Variants in TTLL11 observed in about 807,000 individuals in gnomAD.
TTLL11 encodes tubulin polyglutamylase TTLL11.
TTLL11 carries 42 observed loss-of-function variants against 51.7 expected under a neutral mutation model. The observed-to-expected ratio is 0.81, with a 90% CI of 0.64 to 1.05. The LOEUF is 1.05. Among genes scored for constraint, TTLL11 ranks in the 50% least tolerant of loss-of-function variants. The probability of loss-of-function intolerance (pLI) is 0.00; values close to 1 mark genes in which losing one functional copy is unlikely to be tolerated. For synonymous variants in TTLL11, 381 were observed against 383.5 expected (o/e 0.99, Z 0.08); for missense variants, 799 against 940.4 (o/e 0.85, Z 1.97).
intron 6 of TTLL11, among the ~76,000 whole-genome samples, chr9:121,899,966 G>T (rs569141041): frequency 6.6e-6 from 1 of 152,302 alleles, no homozygotes; most frequent in African/African-American, 2.4e-5. Context: ...CTATGCAGTA[G>T]ACACTATTTC....
At chr9:121,949,958 G>A (rs1187080502) in intron 6 of TTLL11, among the ~76,000 whole-genome samples, 1 of 151,848 alleles carries the variant, frequency 6.6e-6, no homozygotes, top group East Asian at 1.9e-4. Context: ...TCCCTCCCCA[G>A]CTTGCTCTGT....
At chr9:121,985,647 G>C (rs1244757626) in intron 4 of TTLL11, among the ~76,000 whole-genome samples, 2 of 150,910 alleles carry the variant, frequency 1.3e-5, no homozygotes, top group Non-Finnish European at 2.9e-5. Flanking sequence ...CTCCCAAGTA[G>C]CTGGGACTAC....
intron 8 of TTLL11, among the ~76,000 whole-genome samples, chr9:121,841,659 TG>T (rs1837351819): frequency 6.6e-6 from 1 of 151,928 alleles, no homozygotes; most frequent in African/African-American, 2.4e-5. Flanking sequence ...GGTGTGGCTG[TG>T]GTGGGGCACG....
intron 1 of TTLL11, among the ~76,000 whole-genome samples, chr9:122,059,259 A>G (rs2001684): frequency 0.43 from 65,008 of 152,056 alleles, 15,801 homozygotes; most frequent in African/African-American, 0.66. Flanking sequence ...CTAGCTACTG[A>G]GCTAAGTGCT....
chr9:121,840,740 C>T (rs1348643483), intron 8 of TTLL11, among the ~76,000 whole-genome samples: 4 of 152,218 alleles, frequency 2.6e-5, no homozygotes, highest in Non-Finnish European at 4.4e-5. Context: ...GCCACGTGGC[C>T]TGTGTCCAGA....
At chr9:122,068,784 C>T (rs1845658988) in intron 1 of TTLL11, among the ~76,000 whole-genome samples, 1 of 152,220 alleles carries the variant, frequency 6.6e-6, no homozygotes, top group Admixed American at 6.5e-5. Context: ...ATTCCCCAGT[C>T]TCCCTGGCAC....
chr9:122,024,276 G>A (rs1274897135), intron 3 of TTLL11, among the ~76,000 whole-genome samples: 1 of 152,124 alleles, frequency 6.6e-6, no homozygotes, highest in Non-Finnish European at 1.5e-5. Flanking sequence ...AAAAAACACT[G>A]TTCAAAGAAA....
At chr9:121,911,321 C>T (rs911747767) in intron 6 of TTLL11, among the ~76,000 whole-genome samples, 2 of 152,136 alleles carry the variant, frequency 1.3e-5, no homozygotes, top group Admixed American at 6.5e-5. Flanking sequence ...CGCTTGAACC[C>T]AGGACGTGGA....
intron 6 of TTLL11, among the ~76,000 whole-genome samples, chr9:121,924,153 C>T (rs1488414598): frequency 2.0e-5 from 3 of 152,272 alleles, no homozygotes; most frequent in South Asian, 4.1e-4. Context: ...AGCACGAAAA[C>T]GGACTAATAT....
intron 6 of TTLL11, among the ~76,000 whole-genome samples, chr9:121,888,882 G>A (rs1184453657): frequency 6.6e-6 from 1 of 152,188 alleles, no homozygotes; most frequent in Non-Finnish European, 1.5e-5. Context: ...ATTTAGTCCT[G>A]CTCTCAGCCC....
chr9:121,843,505 A>G (rs1353275791), intron 8 of TTLL11, among the ~76,000 whole-genome samples: 2 of 151,782 alleles, frequency 1.3e-5, no homozygotes, highest in African/African-American at 4.8e-5. Context: ...CCTTTTTGTG[A>G]GTGGGGCTCC....
chr9:121,951,577 A>C (rs1841852284), intron 6 of TTLL11, among the ~76,000 whole-genome samples: 1 of 152,082 alleles, frequency 6.6e-6, no homozygotes, highest in Non-Finnish European at 1.5e-5. Flanking sequence ...ATATTATCTC[A>C]CTTAATTTTC....
At chr9:121,964,746 T>C (rs1842351965) in intron 6 of TTLL11, among the ~76,000 whole-genome samples, 1 of 152,142 alleles carries the variant, frequency 6.6e-6, no homozygotes, top group Non-Finnish European at 1.5e-5. Context: ...TGTGCCTTTG[T>C]TTTCTTCACT....
chr9:121,829,860 G>A (rs2119120721), intron 8 of TTLL11, among the ~76,000 whole-genome samples: 1 of 151,784 alleles, frequency 6.6e-6, no homozygotes, highest in East Asian at 1.9e-4. Flanking sequence ...TAGCCTCTGA[G>A]GTCACTGGTT....
intron 6 of TTLL11, among the ~76,000 whole-genome samples, chr9:121,873,038 C>T (rs1400811849): frequency 6.6e-6 from 1 of 152,104 alleles, no homozygotes; most frequent in East Asian, 1.9e-4. Flanking sequence ...GGAAATTAGC[C>T]CTTAAATTAC....
Position 121,901,530 on chromosome 9 carries a change from T to G in TTLL11, c.1482-30782A>C, listed in dbSNP as rs560500495. Among the ~76,000 whole-genome samples the G allele has an allele frequency of 7.9e-5, 12 of 152,228 alleles. 2 individuals carry two copies. In the South Asian group the frequency reaches 2.5e-3, roughly 32 times the overall value. On this transcript the variant is annotated intron_variant, in intron 6 of 8. Transcript: ENST00000321582. ...TCTGTTTTTCAAGTCACACAGATAA[T>G]GTGAATTCCAACTCCAAACTCTTGT... is the stretch of plus-strand genomic sequence containing the variant.
At chr9:121,939,350 A>C (rs917998656) in intron 6 of TTLL11, among the ~76,000 whole-genome samples, 1 of 152,226 alleles carries the variant, frequency 6.6e-6, no homozygotes, top group Non-Finnish European at 1.5e-5. Context: ...ATCTTATTGG[A>C]TAAATATCAG....
At chr9:121,898,943 C>G (rs1408862837) in intron 6 of TTLL11, among the ~76,000 whole-genome samples, 6 of 152,312 alleles carry the variant, frequency 3.9e-5, no homozygotes, top group Non-Finnish European at 1.5e-5. Context: ...TGCTGGGTGC[C>G]CTTCTTCTTT....
At chr9:121,859,830 C>T (rs4379516) in intron 8 of TTLL11, among the ~76,000 whole-genome samples, 87,909 of 152,084 alleles carry the variant, frequency 0.58, 26,136 homozygotes, top group East Asian at 0.79. Context: ...CAGCTGATCC[C>T]GTACACCCTT....
Sources: allele counts gnomAD v4.1 joint callset (sites outside exome capture counted in the v4.1 genomes callset), GRCh38; gene constraint gnomAD v4.1.1; transcripts MANE v1.5; gene names NCBI Gene and HGNC (gene_info 2026-07-23, HGNC 2026-07-21).